CPSF2: variants seen among roughly 807,000 people sequenced by gnomAD.
CPSF2 encodes cleavage and polyadenylation specificity factor subunit 2.
A neutral mutation model predicts 84.2 loss-of-function variants in CPSF2; 51 were observed. The ratio of observed to expected loss-of-function variants is 0.61; its 90% CI spans 0.48 to 0.77. The LOEUF is 0.77. CPSF2 is among the 30% of genes least tolerant of loss of function. The pLI is 0.00. For missense variants in CPSF2, 641 were observed against 929.4 expected (o/e 0.69, Z 4.03); for synonymous variants, 286 against 311.9 (o/e 0.92, Z 0.87).
At chr14:92,122,806 C>T (rs539132144) in intron 1 of CPSF2, among the ~76,000 whole-genome samples, 1 of 152,248 alleles carries the variant, frequency 6.6e-6, no homozygotes, top group Non-Finnish European at 1.5e-5. Flanking sequence ...ATACCCATCC[C>T]CTAATTTTTA....
intron 2 of CPSF2, among the ~76,000 whole-genome samples, chr14:92,129,157 AAAC>A (rs1005923784): frequency 5.3e-5 from 8 of 152,270 alleles, no homozygotes; most frequent in South Asian, 4.1e-4. Flanking sequence ...CAAGAAGTTA[AAAC>A]AACAACAACA....
rs748271989 is a variant in CPSF2 at position 92,159,273 on chromosome 14, A to C, written c.2112A>C (p.Pro704=). 12 of 1,590,784 alleles carry C rather than the reference A, an allele frequency of 7.5e-6. No homozygotes were observed. Among genetic ancestry groups the C allele is most frequent in the Non-Finnish European group, 8.6e-6 (10 of 1,167,900 alleles). The part of the protein sequence containing the change: ...SEIIPTLEPL[P]PHEVPGHQSV... ...TCATTCCTACTTTGGAACCCTTGCC[A>C]CCTCATGAGGTAAAAAAAGCATGTG... The change falls in exon 14 of 16, where the codon CCA becomes CCC. Residue 704 remains proline (P), a synonymous_variant. Transcript: ENST00000298875.
chr14:92,142,106 T>C, intron 7 of CPSF2, 58 bp from the exon 8 acceptor site: 1 of 1,272,470 alleles, frequency 7.9e-7, no homozygotes, highest in South Asian at 1.9e-5. Context: ...AAATTATCTT[T>C]AATTTTGTAG....
intron 2 of CPSF2, among the ~76,000 whole-genome samples, chr14:92,128,750 T>G (rs945347935): frequency 6.6e-6 from 1 of 152,098 alleles, no homozygotes; most frequent in African/African-American, 2.4e-5. Flanking sequence ...ATTTTTGCAA[T>G]GGGAATACTA....
chr14:92,135,738 C>T (rs532282453), intron 6 of CPSF2, among the ~76,000 whole-genome samples: 1 of 152,266 alleles, frequency 6.6e-6, no homozygotes, highest in African/African-American at 2.4e-5. Flanking sequence ...GGGTATCTCC[C>T]TGGAGATGTT....
rs2069501300 is a variant in CPSF2 at position 92,170,264 on chromosome 14, C to T, written c.*8520C>T. On this transcript the variant is annotated 3_prime_UTR_variant, in exon 16 of 16. Coordinates refer to ENST00000298875, the MANE Select transcript of CPSF2 (RefSeq NM_017437.3). ...GTTCAAAAGATCCTGTATATCCTTCCCCTAGATTCTTCTATTGTTAACATC... is the reference window on the plus strand; with the variant it reads ...GTTCAAAAGATCCTGTATATCCTTCTCCTAGATTCTTCTATTGTTAACATC... The T allele has an allele frequency of 6.6e-6, 1 of 152,110 alleles. No individual in the cohort carries two copies. Among genetic ancestry groups the T allele is most frequent in the Admixed American group, 6.6e-5 (1 of 15,260 alleles). 9.4% of individuals were successfully genotyped at this position (152,110 alleles called of 1,614,324 possible). A position where few individuals can be genotyped will look rare whatever the true frequency, so the allele number is the denominator to read the frequency against.
At chr14:92,125,460 C>T (rs949228094) in intron 1 of CPSF2, among the ~76,000 whole-genome samples, 1 of 152,114 alleles carries the variant, frequency 6.6e-6, no homozygotes, top group South Asian at 2.1e-4. Flanking sequence ...AAGGGGTGGT[C>T]CACTAAATAC....
intron 9 of CPSF2, among the ~76,000 whole-genome samples, chr14:92,145,463 A>T (rs952515773): frequency 6.6e-6 from 1 of 152,212 alleles, no homozygotes; most frequent in Non-Finnish European, 1.5e-5. Context: ...TGTGGTAGAG[A>T]TATCTGTCTG....
At chr14:92,128,761 GAGTA>G (rs1262046336) in intron 2 of CPSF2, among the ~76,000 whole-genome samples, 1 of 152,210 alleles carries the variant, frequency 6.6e-6, no homozygotes, top group African/African-American at 2.4e-5. Flanking sequence ...GGGAATACTA[GAGTA>G]AGTAAGGTGT....
At chr14:92,160,152 G>A (rs776286394) in intron 14 of CPSF2, among the ~76,000 whole-genome samples, 45 of 152,030 alleles carry the variant, frequency 3.0e-4, no homozygotes, top group Non-Finnish European at 4.7e-4. Context: ...TAGTAGAAAC[G>A]GGGTTTTGCC....
intron 1 of CPSF2, among the ~76,000 whole-genome samples, chr14:92,122,972 C>CA (rs2036854555): frequency 6.6e-6 from 1 of 151,648 alleles, no homozygotes; most frequent in Non-Finnish European, 1.5e-5. Flanking sequence ...CGTGAGCCAC[C>CA]ATGCCCGGCC....
intron 9 of CPSF2, among the ~76,000 whole-genome samples, chr14:92,151,159 A>T (rs369264335): frequency 1.3e-5 from 2 of 152,180 alleles, no homozygotes; most frequent in East Asian, 3.8e-4. Flanking sequence ...TGGGAGGCAG[A>T]GGCAGGAGGA....
chr14:92,140,415 CAT>C (rs1275992231), intron 7 of CPSF2, among the ~76,000 whole-genome samples: 1 of 148,170 alleles, frequency 6.7e-6, no homozygotes, highest in Non-Finnish European at 1.5e-5. Context: ...GCCTGGGTAA[CAT>C]AGTGAGACCC....
rs2069504716 is a variant in CPSF2 at position 92,170,513 on chromosome 14, A to G, written c.*8769A>G. ...GAACCCCATTCAAATGTTGCCATTTACTCCAAAAATATCCTTACAATAACC... is the reference window on the plus strand; with the variant it reads ...GAACCCCATTCAAATGTTGCCATTTGCTCCAAAAATATCCTTACAATAACC... On this transcript the variant is annotated 3_prime_UTR_variant, in exon 16 of 16. Coordinates refer to ENST00000298875, the MANE Select transcript of CPSF2 (RefSeq NM_017437.3). 6.6e-6 allele frequency: 1 copy of G among 152,204 alleles called. No individual in the cohort carries two copies. The highest frequency in any genetic ancestry group is 2.1e-4 in the South Asian group (1 of 4,834). 9.4% of individuals were successfully genotyped at this position (152,204 alleles called of 1,614,324 possible).
At chr14:92,142,138 G>T in intron 7 of CPSF2, 26 bp from the exon 8 acceptor site, 1 of 1,544,370 alleles carries the variant, frequency 6.5e-7, no homozygotes, top group Non-Finnish European at 8.8e-7. Context: ...TACGTTCTAT[G>T]GGGATTTTAC....
rs1010953227 is a variant in CPSF2, at chr14:92,171,655, T to G, written c.*9911T>G. On this transcript the variant is annotated 3_prime_UTR_variant, in exon 16 of 16. Coordinates refer to ENST00000298875, the MANE Select transcript of CPSF2 (RefSeq NM_017437.3). ...CTAAAGGCTGTGCTCATTGCCCCTG[T>G]GCTAGCATTGCCACTGTGCGTTCTC... The G allele has an allele frequency of 6.6e-6, 1 of 152,166 alleles. No individual in the cohort carries two copies. Among genetic ancestry groups the G allele is most frequent in the African/African-American group, 2.4e-5 (1 of 41,456 alleles). The allele number at this position is 152,166 out of a possible 1,614,324, so 9.4% of individuals were successfully genotyped here.
At chr14:92,139,818 C>T (rs1176079147) in intron 7 of CPSF2, among the ~76,000 whole-genome samples, 3 of 151,598 alleles carry the variant, frequency 2.0e-5, no homozygotes, top group Admixed American at 6.6e-5. Flanking sequence ...GGATTACAGG[C>T]GTAAACCACT....
At chr14:92,156,342 G>T in intron 11 of CPSF2, 137 bp from the exon 12 acceptor site, 1 of 659,990 alleles carries the variant, frequency 1.5e-6, no homozygotes. Flanking sequence ...ATATGAAATT[G>T]CATCAGCTTT....
intron 9 of CPSF2, among the ~76,000 whole-genome samples, chr14:92,152,960 A>G (rs995809072): frequency 3.0e-4 from 46 of 151,862 alleles, no homozygotes; most frequent in African/African-American, 1.1e-3. Flanking sequence ...GTTTTTTACT[A>G]CTATAAGCAT....
Sources: allele counts gnomAD v4.1 joint callset (sites outside exome capture counted in the v4.1 genomes callset), GRCh38; gene constraint gnomAD v4.1.1; transcripts MANE v1.5; gene names NCBI Gene and HGNC (gene_info 2026-07-23, HGNC 2026-07-21).